The following LRCH2 variants were observed in gnomAD, a reference collection of about 807,000 sequenced individuals.
LRCH2 encodes leucine-rich repeat and calponin homology domain-containing protein 2.
Under a neutral mutation model 68.9 loss-of-function variants are expected in LRCH2, and 38 were observed. The observed-to-expected ratio is 0.55, with a 90% CI of 0.43 to 0.72. The LOEUF is 0.72. Ranked by LOEUF, LRCH2 falls within the 30% of genes least tolerant of loss-of-function variation. The pLI is 0.00. For missense variants in LRCH2, 528 were observed against 572.9 expected, an observed-to-expected ratio of 0.92 and a Z score of 0.80; for synonymous variants, 191 against 208.1, an observed-to-expected ratio of 0.92 and a Z score of 0.71.
In LRCH2 at chrX:115,192,590, G is replaced by C. The variant is rs782333242; in HGVS notation, c.350-4220C>G. 1.5e-5 allele frequency: 17 copies of C among 1,170,208 alleles called. No individual in the cohort carries two copies. In the Admixed American group the frequency reaches 3.3e-4, roughly 23 times the overall value. ...CGGTCAGGCTGCAGGGTGCCCAGGG[G>C]CGGAGGCCGTCAAGGAGGCCGCTTC... On this transcript the variant is annotated intron_variant, in intron 1 of 20. Coordinates refer to ENST00000317135, the MANE Select transcript of LRCH2 (RefSeq NM_020871.4).
rs5988230 is a variant in LRCH2 at position 115,162,950 on chromosome X, A to G, written c.1463+726T>C. Among the ~76,000 whole-genome samples the G allele has an allele frequency of 8.6e-3, 963 of 112,062 alleles. 9 individuals carry two copies. The highest frequency in any genetic ancestry group is 0.029 in the African/African-American group (901 of 30,950). Reference sequence around the variant, plus strand: ...GTCCTCTCAGTACATGAAGATGGCAATAACAGCTGACCCTCAGCAGCATAT... The same window carrying G: ...GTCCTCTCAGTACATGAAGATGGCAGTAACAGCTGACCCTCAGCAGCATAT... On this transcript the variant is annotated intron_variant, in intron 11 of 20. Transcript: ENST00000317135.
intron 1 of LRCH2, among the ~76,000 whole-genome samples, chrX:115,230,230 T>C (rs782738980): frequency 3.8e-4 from 42 of 111,731 alleles, no homozygotes; most frequent in African/African-American, 1.3e-3. Context: ...TCAGCTACTT[T>C]ACTGAAATGG....
chrX:115,231,209 G>A (rs182556375), intron 1 of LRCH2, among the ~76,000 whole-genome samples: 4 of 111,093 alleles, frequency 3.6e-5, no homozygotes, highest in Non-Finnish European at 7.5e-5. Flanking sequence ...TAATCGGTTT[G>A]GTTCTGAAAC....
chrX:115,217,536 T>A, intron 1 of LRCH2, among the ~76,000 whole-genome samples: 1 of 111,838 alleles, frequency 8.9e-6, no homozygotes, highest in Middle Eastern at 4.6e-3. Context: ...GCTTCATCCA[T>A]GTTCCTGCAA....
intron 5 of LRCH2, among the ~76,000 whole-genome samples, chrX:115,173,572 C>T (rs185557586): frequency 9.0e-6 from 1 of 111,671 alleles, no homozygotes; most frequent in East Asian, 2.8e-4. Flanking sequence ...GCTATGCAAC[C>T]CCCCCAGCCT....
chrX:115,189,467 A>C, intron 1 of LRCH2: 1 of 1,177,181 alleles, frequency 8.5e-7, no homozygotes, highest in Non-Finnish European at 1.1e-6. Flanking sequence ...CGCCCAGAGA[A>C]GCTTTTCATT....
At chrX:115,186,611 T>C (rs782024263) in intron 2 of LRCH2, among the ~76,000 whole-genome samples, 120 of 111,121 alleles carry the variant, frequency 1.1e-3, no homozygotes, top group Middle Eastern at 4.2e-3. Flanking sequence ...GATTACCATA[T>C]GTGTTAATAG....
At chrX:115,196,369 T>G (rs782034270) in intron 1 of LRCH2, among the ~76,000 whole-genome samples, 2 of 110,918 alleles carry the variant, frequency 1.8e-5, no homozygotes, top group Admixed American at 1.9e-4. Flanking sequence ...CACCCAAGCA[T>G]TTCACCAGGG....
intron 1 of LRCH2, among the ~76,000 whole-genome samples, chrX:115,212,610 T>C (rs1277877447): frequency 9.1e-6 from 1 of 109,891 alleles, no homozygotes; most frequent in Non-Finnish European, 1.9e-5. Context: ...AGCAGTGCTA[T>C]TGCCTCAGCC....
rs782432585 is a variant in LRCH2 at position 115,164,719 on chromosome X, GGTCA to G, written c.1355+682_1355+685del. On this transcript the variant is annotated intron_variant, in intron 10 of 20. Coordinates refer to ENST00000317135, the MANE Select transcript of LRCH2 (RefSeq NM_020871.4). ...TCACCTTCCTCACCTGAAAAAATGA[GGTCA>G]GTATCTACCCTACAGGATTTTAATG... Among the ~76,000 whole-genome samples the G allele has an allele frequency of 2.5e-3, 277 of 111,069 alleles. 1 individual carries two copies. The highest frequency in any genetic ancestry group is 6.8e-3 in the African/African-American group (208 of 30,732).
Position 115,159,579 on chromosome X carries a change from G to A in LRCH2, c.1464-2912C>T, listed in dbSNP as rs2072501245. Among the ~76,000 whole-genome samples, 4 of 109,534 alleles carry A rather than the reference G, an allele frequency of 3.7e-5. No individual in the cohort carries two copies. The South Asian group carries it at 1.2e-3, about 33-fold the overall frequency. On this transcript the variant is annotated intron_variant, in intron 11 of 20. Coordinates refer to ENST00000317135, the MANE Select transcript of LRCH2 (RefSeq NM_020871.4). ...ATCCTGGCTAACATGGTGAAACCCCGTCTCTACTAAAAATACAAACAATTA... is the reference window on the plus strand; with the variant it reads ...ATCCTGGCTAACATGGTGAAACCCCATCTCTACTAAAAATACAAACAATTA...
chrX:115,160,275 C>T lies in LRCH2; in HGVS notation c.1463+3401G>A, dbSNP rs999730067. 8.1e-5 allele frequency among the ~76,000 whole-genome samples: 9 copies of T among 110,767 alleles called. No homozygotes were observed. In the Admixed American group the frequency reaches 8.6e-4, roughly 11 times the overall value. On this transcript the variant is annotated intron_variant, in intron 11 of 20. Transcript: ENST00000317135. ...AGGTTGTGGTGAGCTGAGATTGCACCACTGCACTCCAGCCTGGGCAACAGA... is the reference window on the plus strand; with the variant it reads ...AGGTTGTGGTGAGCTGAGATTGCACTACTGCACTCCAGCCTGGGCAACAGA...
At chrX:115,170,742 G>T (rs781900471) in intron 5 of LRCH2, among the ~76,000 whole-genome samples, 154 of 111,654 alleles carry the variant, frequency 1.4e-3, no homozygotes, top group Non-Finnish European at 2.4e-3. Context: ...CATAAAAGTG[G>T]CCTTTATTTG....
chrX:115,216,653 T>G (rs1358611103), intron 1 of LRCH2, among the ~76,000 whole-genome samples: 1 of 111,965 alleles, frequency 8.9e-6, no homozygotes, highest in East Asian at 2.8e-4. Context: ...GCTTATATAT[T>G]GTTAGTGAGA....
intron 14 of LRCH2, among the ~76,000 whole-genome samples, chrX:115,147,947 G>A (rs965684767): frequency 9.0e-6 from 1 of 111,229 alleles, no homozygotes; most frequent in African/African-American, 3.3e-5. Flanking sequence ...AGCTACTGGG[G>A]AGGCTGAAGC....
chrX:115,233,633 G>A lies in LRCH2; in HGVS notation c.349+60C>T, dbSNP rs184184357. 44 of 1,052,750 alleles carry A rather than the reference G, an allele frequency of 4.2e-5. No homozygotes were observed. The Middle Eastern group carries it at 1.8e-3, about 42-fold the overall frequency. The allele number at this position is 1,052,750 out of a possible 1,213,427, so 86.8% of individuals were successfully genotyped here. A position where few individuals can be genotyped will look rare whatever the true frequency, so the allele number is the denominator to read the frequency against. On this transcript the variant is annotated intron_variant, in intron 1 of 20. Transcript: ENST00000317135. ...CAGAGTCCAACAACGCAGCCACGCA[G>A]CCACCCACTCCCCGCACCTCCTCCT...
intron 10 of LRCH2, 114 bp downstream of exon 10, chrX:115,165,291 A>T (rs1264222608): frequency 2.0e-6 from 1 of 489,612 alleles, no homozygotes; most frequent in Non-Finnish European, 3.4e-6. Flanking sequence ...CTATCTAAAC[A>T]TAAGAGGTAA....
chrX:115,174,787 C>T (rs1174626369), intron 5 of LRCH2, among the ~76,000 whole-genome samples: 2 of 111,350 alleles, frequency 1.8e-5, no homozygotes, highest in African/African-American at 3.3e-5. Flanking sequence ...CTTGGTTTTG[C>T]TCCCATTTCC....
At chrX:115,113,524 T>C (rs188624076) in intron 20 of LRCH2, among the ~76,000 whole-genome samples, 189 bp from the exon 21 acceptor site, 143 of 111,454 alleles carry the variant, frequency 1.3e-3, no homozygotes, top group African/African-American at 4.3e-3. Flanking sequence ...AAAAAGATTA[T>C]AGAAGTCGGC....
Sources: gnomAD v4.1 joint callset for allele counts (sites outside exome capture counted in the v4.1 genomes callset) on GRCh38, gnomAD v4.1.1 for gene constraint, MANE v1.5 for transcripts, NCBI Gene and HGNC (gene_info 2026-07-23, HGNC 2026-07-21) for gene names.